ADCY2: variants seen among roughly 807,000 people sequenced by gnomAD.
The protein encoded by ADCY2 is adenylate cyclase 2.
A neutral mutation model predicts 125.2 loss-of-function variants in ADCY2; 31 were observed. The observed-to-expected ratio is 0.25, with a 90% CI of 0.19 to 0.33. The LOEUF is 0.33. Among genes scored for constraint, ADCY2 ranks in the 10% least tolerant of loss-of-function variants. ADCY2 has a pLI of 1.00. For synonymous variants in ADCY2, 512 were observed against 548.4 expected (o/e 0.93, Z 0.93); for missense variants, 904 against 1,418.2 (o/e 0.64, Z 5.82).
chr5:7,808,968 T>C (rs1744847817), intron 22 of ADCY2, among the ~76,000 whole-genome samples: 1 of 152,248 alleles, frequency 6.6e-6, no homozygotes, highest in South Asian at 2.1e-4. Flanking sequence ...AACTGCTTAT[T>C]ACTTACTATT....
intron 7 of ADCY2, among the ~76,000 whole-genome samples, chr5:7,703,420 T>C (rs1741155676): frequency 6.6e-6 from 1 of 152,186 alleles, no homozygotes. Context: ...AAGGAAGGGA[T>C]CCAGTTTCGG....
Position 7,806,988 on chromosome 5 carries a change from C to T in ADCY2, c.2883+2296C>T, listed in dbSNP as rs895561871. 2.0e-5 allele frequency among the ~76,000 whole-genome samples: 3 copies of T among 152,160 alleles called. No homozygotes were observed. In the East Asian group the frequency reaches 5.8e-4, roughly 29 times the overall value. Reference sequence around the variant, plus strand: ...TTACCTCACCCTCATCCAGTTATGACTTGGAGGCTTCTCCAGCTCATCTAA... The same window carrying T: ...TTACCTCACCCTCATCCAGTTATGATTTGGAGGCTTCTCCAGCTCATCTAA... On this transcript the variant is annotated intron_variant, in intron 22 of 24. Coordinates refer to ENST00000338316, the MANE Select transcript of ADCY2 (RefSeq NM_020546.3).
At chr5:7,630,433 T>C (rs1728452942) in intron 4 of ADCY2, among the ~76,000 whole-genome samples, 1 of 152,220 alleles carries the variant, frequency 6.6e-6, no homozygotes, top group Admixed American at 6.5e-5. Flanking sequence ...TACTATTTCT[T>C]TAAGTTTTTA....
chr5:7,812,004 C>T (rs979182781), intron 22 of ADCY2, among the ~76,000 whole-genome samples: 2 of 152,072 alleles, frequency 1.3e-5, no homozygotes, highest in South Asian at 2.1e-4. Flanking sequence ...GGGAGTGAAC[C>T]GGGAGTACAA....
chr5:7,782,481 T>G (rs557374009), intron 18 of ADCY2, among the ~76,000 whole-genome samples: 169 of 152,330 alleles, frequency 1.1e-3, no homozygotes, highest in African/African-American at 3.8e-3. Flanking sequence ...GGGCATCTGG[T>G]CCTTTAGTTA....
intron 11 of ADCY2, among the ~76,000 whole-genome samples, chr5:7,713,456 T>C (rs1741501350): frequency 6.7e-6 from 1 of 149,546 alleles, no homozygotes; most frequent in African/African-American, 2.5e-5. Flanking sequence ...ATCGTGCCAC[T>C]ACACTCTAGC....
At chr5:7,813,728 A>G (rs889948166) in intron 22 of ADCY2, among the ~76,000 whole-genome samples, 5 of 152,196 alleles carry the variant, frequency 3.3e-5, no homozygotes, top group Non-Finnish European at 7.3e-5. Context: ...CCAGAACTCA[A>G]TCTCTTCTTT....
intron 4 of ADCY2, among the ~76,000 whole-genome samples, chr5:7,660,796 A>AC (rs386402949): frequency 6.6e-6 from 1 of 151,528 alleles, no homozygotes; most frequent in Non-Finnish European, 1.5e-5. Context: ...TTAAAAAAAA[A>AC]ATACTTTCAC....
At chr5:7,540,879 T>G (rs1449798668) in intron 3 of ADCY2, among the ~76,000 whole-genome samples, 1 of 152,228 alleles carries the variant, frequency 6.6e-6, no homozygotes, top group Non-Finnish European at 1.5e-5. Context: ...GATCAGAGAC[T>G]TCTTAAGATG....
At chr5:7,671,633 CAT>C (rs1739938876) in intron 4 of ADCY2, among the ~76,000 whole-genome samples, 1 of 152,148 alleles carries the variant, frequency 6.6e-6, no homozygotes. Context: ...AAAAAAATGA[CAT>C]GTGCGTTCTT....
At chr5:7,532,473 T>G (rs923743541) in intron 3 of ADCY2, among the ~76,000 whole-genome samples, 3 of 152,232 alleles carry the variant, frequency 2.0e-5, no homozygotes, top group Non-Finnish European at 4.4e-5. Context: ...TGCTTTGCCT[T>G]GTTCCTCCAG....
intron 22 of ADCY2, among the ~76,000 whole-genome samples, chr5:7,810,240 A>G (rs1490354212): frequency 6.6e-6 from 1 of 152,102 alleles, no homozygotes; most frequent in East Asian, 1.9e-4. Context: ...TTGGTGGGTT[A>G]TCTTCCTGAT....
rs1741378987 is a variant in ADCY2, at chr5:7,709,707, T to G, written c.1578+320T>G. Reference sequence around the variant, plus strand: ...TTTAAGAAAAACTTCTATCATGAAGTAGAAAGCCTTGAGGTTCTTAATAAA... The same window carrying G: ...TTTAAGAAAAACTTCTATCATGAAGGAGAAAGCCTTGAGGTTCTTAATAAA... On this transcript the variant is annotated intron_variant, in intron 10 of 24. Transcript: ENST00000338316. The surrounding 1 kb of genome is among the most constrained non-coding windows in gnomAD (Gnocchi z 4.4). Among the ~76,000 whole-genome samples, 1 of 152,204 alleles carries G rather than the reference T, an allele frequency of 6.6e-6. No individual in the cohort carries two copies.
intron 2 of ADCY2, among the ~76,000 whole-genome samples, chr5:7,517,880 T>G (rs1273171555): frequency 6.6e-6 from 1 of 152,226 alleles, no homozygotes; most frequent in Non-Finnish European, 1.5e-5. Flanking sequence ...TGCTAAAGGT[T>G]TTTGCATAGA....
intron 4 of ADCY2, among the ~76,000 whole-genome samples, chr5:7,642,930 G>A (rs1231321552): frequency 5.9e-5 from 9 of 152,136 alleles, no homozygotes; most frequent in Admixed American, 2.0e-4. Flanking sequence ...CATTAGACCA[G>A]CCTTTCAAGA....
intron 3 of ADCY2, among the ~76,000 whole-genome samples, chr5:7,575,906 A>T (rs1199058788): frequency 2.0e-5 from 3 of 152,198 alleles, no homozygotes; most frequent in Non-Finnish European, 4.4e-5. Flanking sequence ...GCTGTTTTTC[A>T]GTAATTAAGA....
chr5:7,541,009 A>G (rs946702026), intron 3 of ADCY2, among the ~76,000 whole-genome samples: 1 of 152,038 alleles, frequency 6.6e-6, no homozygotes, highest in Non-Finnish European at 1.5e-5. Flanking sequence ...TTCCCATACA[A>G]TGGCCCGCCT....
intron 8 of ADCY2, among the ~76,000 whole-genome samples, chr5:7,707,135 T>C (rs1219127839): frequency 3.3e-5 from 5 of 152,196 alleles, no homozygotes; most frequent in African/African-American, 9.7e-5. Flanking sequence ...AGACAGTAAA[T>C]TACAAACTTT....
chr5:7,665,334 A>G (rs1259512157), intron 4 of ADCY2, among the ~76,000 whole-genome samples: 2 of 152,110 alleles, frequency 1.3e-5, no homozygotes, highest in Non-Finnish European at 1.5e-5. Context: ...AGCTTCCCAG[A>G]TAACAGCCAG....
Sources: gnomAD v4.1 joint callset for allele counts (sites outside exome capture counted in the v4.1 genomes callset) on GRCh38, gnomAD v4.1.1 for gene constraint, Gnocchi (gnomAD v3.1) non-coding constraint, MANE v1.5 for transcripts, NCBI Gene and HGNC (gene_info 2026-07-23, HGNC 2026-07-21) for gene names.